The following SPATA16 variants were observed in gnomAD, a reference collection of about 807,000 sequenced individuals.
SPATA16 encodes spermatogenesis associated 16.
In SPATA16, 36 loss-of-function variants were observed where a neutral mutation model predicts 63.3. The ratio of observed to expected loss-of-function variants is 0.57; its 90% CI spans 0.44 to 0.75. SPATA16 has a LOEUF of 0.75. SPATA16 is among the 30% of genes least tolerant of loss of function. SPATA16 has a pLI of 0.00. For synonymous variants in SPATA16, 203 were observed against 216.7 expected (o/e 0.94, Z 0.56); for missense variants, 646 against 679.3 (o/e 0.95, Z 0.54).
intron 2 of SPATA16, among the ~76,000 whole-genome samples, chr3:173,063,618 T>C (rs1327791834): frequency 6.6e-6 from 1 of 152,208 alleles, no homozygotes; most frequent in African/African-American, 2.4e-5. Flanking sequence ...TTAATATTTT[T>C]AGGACATTGG....
chr3:173,027,888 G>C (rs75369681), intron 3 of SPATA16, among the ~76,000 whole-genome samples: 2,748 of 151,654 alleles, frequency 0.018, 82 homozygotes, highest in African/African-American at 0.063. Flanking sequence ...TGGATGCTGA[G>C]AATGTGAATA....
At chr3:173,020,664 T>C (rs1735304878) in intron 3 of SPATA16, among the ~76,000 whole-genome samples, 1 of 152,172 alleles carries the variant, frequency 6.6e-6, no homozygotes, top group Non-Finnish European at 1.5e-5. Context: ...TGAGAGCCTA[T>C]TATGGGTAGG....
intron 5 of SPATA16, among the ~76,000 whole-genome samples, chr3:172,967,385 G>A (rs1733940351): frequency 6.6e-6 from 1 of 152,152 alleles, no homozygotes; most frequent in Admixed American, 6.5e-5. Context: ...TGAAAAAATA[G>A]ACATTTCTGA....
intron 4 of SPATA16, among the ~76,000 whole-genome samples, chr3:172,983,951 C>T (rs1408767497): frequency 6.6e-6 from 1 of 151,868 alleles, no homozygotes; most frequent in East Asian, 1.9e-4. Context: ...AGGCCCCACC[C>T]CCACCCCCTG....
At chr3:172,971,341 A>G (rs970325906) in intron 5 of SPATA16, among the ~76,000 whole-genome samples, 6 of 152,242 alleles carry the variant, frequency 3.9e-5, no homozygotes, top group African/African-American at 1.2e-4. Context: ...TAAAACAACT[A>G]TGCCAAAATA....
At chr3:172,926,398 A>G (rs144950388) in intron 6 of SPATA16, among the ~76,000 whole-genome samples, 144 of 152,326 alleles carry the variant, frequency 9.5e-4, no homozygotes, top group African/African-American at 3.2e-3. Flanking sequence ...CTTATTTTCT[A>G]TCTGCCCCTG....
intron 1 of SPATA16, among the ~76,000 whole-genome samples, chr3:173,126,384 C>A (rs751452538): frequency 6.6e-6 from 1 of 152,142 alleles, no homozygotes; most frequent in Non-Finnish European, 1.5e-5. Context: ...ACTTTAGAGA[C>A]CTTTGGCTAC....
At chr3:172,898,115 G>A (rs994109578) in intron 10 of SPATA16, among the ~76,000 whole-genome samples, 9 of 151,866 alleles carry the variant, frequency 5.9e-5, no homozygotes, top group South Asian at 2.1e-4. Flanking sequence ...CTTAGTTATG[G>A]TATATAATTT....
In SPATA16 at chr3:172,915,576, CT is replaced by C. The variant is rs1732464156; in HGVS notation, c.1503+740del. ...GAGCTTCATATAGAGTAAATTTTAC[CT>C]TTCCTTGAACAGGCAGCACACTGTT... is the stretch of plus-strand genomic sequence containing the variant. On this transcript the variant is annotated intron_variant, in intron 9 of 10. Coordinates refer to ENST00000351008, the MANE Select transcript of SPATA16 (RefSeq NM_031955.6). Among the ~76,000 whole-genome samples the C allele has an allele frequency of 2.0e-5, 3 of 152,060 alleles. 1 individual carries two copies. The South Asian group carries it at 6.2e-4, about 32-fold the overall frequency.
chr3:172,998,160 TA>T, intron 4 of SPATA16, among the ~76,000 whole-genome samples: 1 of 152,282 alleles, frequency 6.6e-6, no homozygotes, highest in South Asian at 2.1e-4. Context: ...TGAGTCTTCT[TA>T]TTCATGAACA....
intron 2 of SPATA16, among the ~76,000 whole-genome samples, chr3:173,059,057 A>G (rs1191438735): frequency 6.6e-6 from 1 of 152,052 alleles, no homozygotes; most frequent in Non-Finnish European, 1.5e-5. Context: ...ACAGTAGAGA[A>G]CATTATATTC....
At chr3:173,006,167 A>G (rs558815085) in intron 4 of SPATA16, among the ~76,000 whole-genome samples, 1 of 152,334 alleles carries the variant, frequency 6.6e-6, no homozygotes, top group East Asian at 1.9e-4. Flanking sequence ...TCATACACCA[A>G]GACACAACAT....
intron 4 of SPATA16, among the ~76,000 whole-genome samples, chr3:173,001,426 G>A (rs1734826331): frequency 6.6e-6 from 1 of 152,178 alleles, no homozygotes; most frequent in African/African-American, 2.4e-5. Context: ...TTAAAGAACA[G>A]AATGCTGTGG....
At chr3:173,038,108 G>A (rs1735756128) in intron 3 of SPATA16, among the ~76,000 whole-genome samples, 1 of 152,050 alleles carries the variant, frequency 6.6e-6, no homozygotes, top group Non-Finnish European at 1.5e-5. Flanking sequence ...TTTCTATCTG[G>A]AAAGGAAGTA....
chr3:173,132,330 CAT>C (rs1188181463), intron 1 of SPATA16, among the ~76,000 whole-genome samples: 1 of 151,850 alleles, frequency 6.6e-6, no homozygotes, highest in African/African-American at 2.4e-5. Flanking sequence ...ACATGTGAAA[CAT>C]AGTGAAAAGG....
At chr3:173,121,306 G>T (rs926318472) in intron 1 of SPATA16, among the ~76,000 whole-genome samples, 2 of 151,648 alleles carry the variant, frequency 1.3e-5, no homozygotes, top group Non-Finnish European at 2.9e-5. Flanking sequence ...TAAATAATCT[G>T]GAATTTGAGG....
At chr3:172,940,925 G>A (rs573475007) in intron 6 of SPATA16, among the ~76,000 whole-genome samples, 7 of 152,194 alleles carry the variant, frequency 4.6e-5, no homozygotes, top group Non-Finnish European at 1.0e-4. Context: ...GGAGGTTGCA[G>A]TGAGCCGAGA....
At chr3:173,081,527 A>T (rs1363789717) in intron 2 of SPATA16, among the ~76,000 whole-genome samples, 1 of 152,220 alleles carries the variant, frequency 6.6e-6, no homozygotes, top group Admixed American at 6.5e-5. Context: ...GAATCGTTAA[A>T]GAGGAGAGTT....
At chr3:173,137,822 A>ACACACACAC (rs1738588482) in intron 1 of SPATA16, among the ~76,000 whole-genome samples, 1 of 122,210 alleles carries the variant, frequency 8.2e-6, no homozygotes, top group African/African-American at 3.0e-5. Flanking sequence ...ATGGACTCTC[A>ACACACACAC]ACACACACAC....
Sources: gnomAD v4.1 joint callset for allele counts (sites outside exome capture counted in the v4.1 genomes callset) on GRCh38, gnomAD v4.1.1 for gene constraint, MANE v1.5 for transcripts, NCBI Gene and HGNC (gene_info 2026-07-23, HGNC 2026-07-21) for gene names.